Variants in GALNT13 observed in about 807,000 individuals in gnomAD.
The protein encoded by GALNT13 is polypeptide N-acetylgalactosaminyltransferase 13, also known as UDP-GalNAc:polypeptide N-acetylgalactosaminyltransferase 13.
In GALNT13, 28 loss-of-function variants were observed where a neutral mutation model predicts 64.2. The ratio of observed to expected loss-of-function variants is 0.44; its 90% CI spans 0.32 to 0.60. The LOEUF is 0.60. GALNT13 is among the 20% of genes least tolerant of loss of function. The pLI is 0.05. For synonymous variants in GALNT13, 214 were observed against 224.6 expected (o/e 0.95, Z 0.42); for missense variants, 577 against 669.8 (o/e 0.86, Z 1.53).
At chr2:153,659,877 C>G in the GALNT13 span, among the ~76,000 whole-genome samples, 3 of 152,114 alleles carry the variant, frequency 2.0e-5, no homozygotes, top group African/African-American at 7.2e-5. Context: ...ACTAAGCCAA[C>G]AACCAGCCCA....
chr2:154,065,207 G>A (rs1700399773), intron 3 of GALNT13, among the ~76,000 whole-genome samples: 1 of 152,088 alleles, frequency 6.6e-6, no homozygotes, highest in Non-Finnish European at 1.5e-5. Flanking sequence ...CAGCTCAGCT[G>A]CAGTAGAATA....
chr2:153,534,255 T>G, the GALNT13 span, among the ~76,000 whole-genome samples: 23 of 152,200 alleles, frequency 1.5e-4, no homozygotes, highest in African/African-American at 5.6e-4. Flanking sequence ...CTGGACATGA[T>G]GTACTGGGTA....
chr2:153,665,905 G>A, the GALNT13 span, among the ~76,000 whole-genome samples: 71 of 152,262 alleles, frequency 4.7e-4, no homozygotes, highest in African/African-American at 1.4e-3. Flanking sequence ...TGGTGCAGGC[G>A]TGGCTGCAGT....
At chr2:154,252,413 G>C (rs1690118991) in intron 7 of GALNT13, among the ~76,000 whole-genome samples, 1 of 150,254 alleles carries the variant, frequency 6.7e-6, no homozygotes, top group Admixed American at 6.7e-5. Context: ...TGGAGTTACA[G>C]TGGCGCCATC....
the GALNT13 span, among the ~76,000 whole-genome samples, chr2:153,823,283 C>T: frequency 6.6e-6 from 1 of 152,064 alleles, no homozygotes; most frequent in Non-Finnish European, 1.5e-5. Context: ...TTCAAAAATT[C>T]ATATGGAACT....
chr2:154,076,360 A>G lies in GALNT13; in HGVS notation c.143-63977A>G, dbSNP rs886373576. Among the ~76,000 whole-genome samples the G allele has an allele frequency of 4.6e-5, 7 of 151,748 alleles. No homozygotes were observed. In the East Asian group the frequency reaches 5.8e-4, roughly 13 times the overall value. ...ATCAGAAATCGCAGTCATGATATCA[A>G]TGAGCAACAGAAAGTATTCTTGCAC... is the stretch of plus-strand genomic sequence containing the variant. On this transcript the variant is annotated intron_variant, in intron 3 of 12. Coordinates refer to ENST00000392825, the MANE Select transcript of GALNT13 (RefSeq NM_052917.4).
chr2:154,038,045 G>A (rs1231434111), intron 3 of GALNT13, among the ~76,000 whole-genome samples: 2 of 152,132 alleles, frequency 1.3e-5, no homozygotes, highest in South Asian at 2.1e-4. Context: ...CCACTGAGGT[G>A]GCAGGATTGC....
At chr2:154,420,765 T>C (rs946806292) in intron 11 of GALNT13, among the ~76,000 whole-genome samples, 1 of 152,082 alleles carries the variant, frequency 6.6e-6, no homozygotes, top group Non-Finnish European at 1.5e-5. Flanking sequence ...CTTGGCTTAA[T>C]CCATGTAGTA....
At chr2:153,708,773 G>A in the GALNT13 span, among the ~76,000 whole-genome samples, 1 of 152,116 alleles carries the variant, frequency 6.6e-6, no homozygotes, top group South Asian at 2.1e-4. Context: ...AAACAGCATG[G>A]TACTGCTGTT....
At chr2:154,446,555 C>A in intron 12 of GALNT13, 1 of 1,522,008 alleles carries the variant, frequency 6.6e-7, no homozygotes, top group Non-Finnish European at 8.8e-7. Context: ...TCGTTATTTT[C>A]TTTGTCAAAC....
chr2:153,589,137 A>G, the GALNT13 span, among the ~76,000 whole-genome samples: 1 of 46,900 alleles, frequency 2.1e-5, no homozygotes, highest in African/African-American at 3.7e-4. Context: ...CTTTGTCTCA[A>G]AAAAAAAAGA....
At chr2:153,211,421 G>A in the GALNT13 span, among the ~76,000 whole-genome samples, 5 of 152,248 alleles carry the variant, frequency 3.3e-5, no homozygotes, top group South Asian at 1.0e-3. Context: ...AGGATTACAG[G>A]TGTGAGCCAC....
intron 11 of GALNT13, among the ~76,000 whole-genome samples, chr2:154,415,209 CAT>C (rs1699959727): frequency 6.6e-6 from 1 of 151,202 alleles, no homozygotes; most frequent in African/African-American, 2.4e-5. Context: ...ACATTTATAA[CAT>C]AAACATTTTA....
chr2:153,777,790 GT>G, the GALNT13 span, among the ~76,000 whole-genome samples: 1 of 152,128 alleles, frequency 6.6e-6, no homozygotes, highest in East Asian at 1.9e-4. Context: ...GCCCCAGTGG[GT>G]GTGTGTTACA....
At chr2:154,202,894 G>A (rs1687248708) in intron 4 of GALNT13, among the ~76,000 whole-genome samples, 1 of 152,086 alleles carries the variant, frequency 6.6e-6, no homozygotes, top group Non-Finnish European at 1.5e-5. Context: ...AACATTGGAT[G>A]TTTCGCTGCA....
At chr2:153,340,357 A>G in the GALNT13 span, among the ~76,000 whole-genome samples, 1 of 152,256 alleles carries the variant, frequency 6.6e-6, no homozygotes, top group East Asian at 1.9e-4. Context: ...ACTATATTAA[A>G]TAGAAGTGGT....
chr2:154,179,941 A>T (rs1164632751), intron 4 of GALNT13, among the ~76,000 whole-genome samples: 1 of 152,088 alleles, frequency 6.6e-6, no homozygotes, highest in Non-Finnish European at 1.5e-5. Flanking sequence ...TGTTTTGGAC[A>T]CACGTTTCTC....
At chr2:153,436,921 G>T in the GALNT13 span, among the ~76,000 whole-genome samples, 4 of 152,026 alleles carry the variant, frequency 2.6e-5, no homozygotes, top group Non-Finnish European at 5.9e-5. Context: ...TGATGTTAGG[G>T]TGTCAATTTT....
chr2:154,156,814 A>G (rs67210806), intron 4 of GALNT13, among the ~76,000 whole-genome samples: 41 of 152,142 alleles, frequency 2.7e-4, no homozygotes, highest in Non-Finnish European at 5.0e-4. Context: ...ACTTATATAG[A>G]TATAAGGGAG....
Sources: allele counts gnomAD v4.1 joint callset (sites outside exome capture counted in the v4.1 genomes callset), GRCh38; gene constraint gnomAD v4.1.1; transcripts MANE v1.5; gene names NCBI Gene and HGNC (gene_info 2026-07-23, HGNC 2026-07-21).